STYK1: variants seen among roughly 807,000 people sequenced by gnomAD.
STYK1 encodes tyrosine-protein kinase STYK1.
A neutral mutation model predicts 48.1 loss-of-function variants in STYK1; 46 were observed. The ratio of observed to expected loss-of-function variants is 0.96; its 90% CI spans 0.75 to 1.22. The LOEUF (loss-of-function observed/expected upper bound fraction) is 1.22. Among genes scored for constraint, STYK1 ranks in the 50% most tolerant of loss-of-function variants. The pLI is 0.00. For missense variants in STYK1, 527 were observed against 521.1 expected (o/e 1.01, Z -0.11); for synonymous variants, 188 against 189.0 (o/e 0.99, Z 0.04).
chr12:10,641,199 C>T (rs1565566003), intron 1 of STYK1, among the ~76,000 whole-genome samples: 2 of 152,134 alleles, frequency 1.3e-5, no homozygotes, highest in South Asian at 2.1e-4. Context: ...CAACGCCACC[C>T]CCACTCAGCA....
At chr12:10,673,578 G>C (rs1048224977) in intron 1 of STYK1, 1 of 152,196 alleles carries the variant, frequency 6.6e-6, no homozygotes, top group Non-Finnish European at 1.5e-5. Flanking sequence ...GGTCTGAAAG[G>C]CTATGCAGTC....
intron 1 of STYK1, chr12:10,640,552 C>T (rs1473136436): frequency 2.0e-5 from 3 of 152,066 alleles, no homozygotes; most frequent in Admixed American, 6.6e-5. Flanking sequence ...ACCCAGGGAT[C>T]GAAATGAACA....
At chr12:10,659,074 T>C (rs574384047) in intron 1 of STYK1, among the ~76,000 whole-genome samples, 2 of 152,308 alleles carry the variant, frequency 1.3e-5, no homozygotes, top group South Asian at 2.1e-4. Context: ...AAAACTTTCA[T>C]GATTCTCACG....
intron 10 of STYK1, among the ~76,000 whole-genome samples, 178 bp downstream of exon 10, chr12:10,621,698 T>C (rs1043674084): frequency 1.3e-5 from 2 of 152,002 alleles, no homozygotes; most frequent in African/African-American, 2.4e-5. Context: ...ATATATAATA[T>C]ATATGCATAT....
intron 1 of STYK1, among the ~76,000 whole-genome samples, chr12:10,647,088 A>G (rs559297116): frequency 6.6e-6 from 1 of 152,352 alleles, no homozygotes; most frequent in South Asian, 2.1e-4. Flanking sequence ...TCGAGCCCCC[A>G]CACAATGTCC....
At chr12:10,664,022 C>T (rs1447030800) in intron 1 of STYK1, among the ~76,000 whole-genome samples, 6 of 152,182 alleles carry the variant, frequency 3.9e-5, no homozygotes, top group Non-Finnish European at 7.3e-5. Flanking sequence ...AATGTTCTGT[C>T]TCCGAAAGAA....
At chr12:10,654,217 C>A (rs1485000910) in intron 1 of STYK1, among the ~76,000 whole-genome samples, 1 of 152,164 alleles carries the variant, frequency 6.6e-6, no homozygotes, top group Non-Finnish European at 1.5e-5. Flanking sequence ...ACTTCCCAAC[C>A]CTTTCCCAGA....
intron 8 of STYK1, among the ~76,000 whole-genome samples, chr12:10,623,858 G>A (rs1451330450): frequency 2.0e-5 from 3 of 151,846 alleles, no homozygotes; most frequent in South Asian, 2.1e-4. Flanking sequence ...AAAGAACAAC[G>A]TGTAACTTCA....
At chr12:10,671,814 G>A (rs1947894410) in intron 1 of STYK1, among the ~76,000 whole-genome samples, 2 of 152,064 alleles carry the variant, frequency 1.3e-5, no homozygotes, top group Non-Finnish European at 2.9e-5. Flanking sequence ...GAGGGTTTGG[G>A]ACAGGTGGGA....
chr12:10,660,845 C>A (rs192776161), intron 1 of STYK1, among the ~76,000 whole-genome samples: 2 of 152,254 alleles, frequency 1.3e-5, no homozygotes, highest in Admixed American at 1.3e-4. Context: ...AGAAACCCTC[C>A]GTTCTGGGAT....
intron 4 of STYK1, among the ~76,000 whole-genome samples, chr12:10,631,883 A>G (rs147996723): frequency 1.8e-4 from 27 of 152,328 alleles, no homozygotes; most frequent in Non-Finnish European, 3.1e-4. Context: ...CATCCTTCTT[A>G]TTAAATCTAC....
At chr12:10,643,355 A>G (rs1015735401) in intron 1 of STYK1, among the ~76,000 whole-genome samples, 4 of 152,098 alleles carry the variant, frequency 2.6e-5, no homozygotes, top group African/African-American at 9.7e-5. Context: ...CTTCATTCCT[A>G]TTTCATTCAC....
chr12:10,659,440 T>C (rs1279275288), intron 1 of STYK1, among the ~76,000 whole-genome samples: 2 of 152,174 alleles, frequency 1.3e-5, no homozygotes, highest in Non-Finnish European at 2.9e-5. Flanking sequence ...TTGACTGAAA[T>C]AGAGTGCTTT....
At chr12:10,644,227 T>C (rs1460907088) in intron 1 of STYK1, among the ~76,000 whole-genome samples, 5 of 152,188 alleles carry the variant, frequency 3.3e-5, no homozygotes, top group African/African-American at 9.7e-5. Flanking sequence ...AGTTTCTTTA[T>C]GGTGACAGAC....
At chr12:10,651,483 G>T (rs1301224988) in intron 1 of STYK1, among the ~76,000 whole-genome samples, 1 of 152,164 alleles carries the variant, frequency 6.6e-6, no homozygotes, top group Non-Finnish European at 1.5e-5. Context: ...CTAACACAAA[G>T]AGCCATTGTA....
chr12:10,642,027 A>G (rs566635437), intron 1 of STYK1, among the ~76,000 whole-genome samples: 1 of 152,338 alleles, frequency 6.6e-6, no homozygotes, highest in East Asian at 1.9e-4. Flanking sequence ...GTGAGCAGGA[A>G]ACGTGCATGT....
At chr12:10,645,286 GATGTGGAGAAA>G (rs1305211476) in intron 1 of STYK1, among the ~76,000 whole-genome samples, 6 of 152,178 alleles carry the variant, frequency 3.9e-5, no homozygotes, top group African/African-American at 1.2e-4. Context: ...AGGTGGTGAG[GATGTGGAGAAA>G]ATGTGTTTAG....
chr12:10,629,817 C>T, intron 5 of STYK1, 143 bp from the exon 6 acceptor site: 2 of 742,730 alleles, frequency 2.7e-6, no homozygotes, highest in Non-Finnish European at 4.4e-6. Flanking sequence ...ACAAAGGGGA[C>T]TAATTAGATG....
chr12:10,661,596 A>G (rs930251069), intron 1 of STYK1, among the ~76,000 whole-genome samples: 2 of 152,246 alleles, frequency 1.3e-5, no homozygotes, highest in Admixed American at 6.5e-5. Flanking sequence ...ACATTTATAT[A>G]GTGGTAGTCA....
Sources: gnomAD v4.1 joint callset for allele counts (sites outside exome capture counted in the v4.1 genomes callset) on GRCh38, gnomAD v4.1.1 for gene constraint, MANE v1.5 for transcripts, NCBI Gene and HGNC (gene_info 2026-07-23, HGNC 2026-07-21) for gene names.